MDFIC: variants seen among roughly 807,000 people sequenced by gnomAD.
MDFIC encodes the protein myoD family inhibitor domain-containing protein.
A neutral mutation model predicts 23.2 loss-of-function variants in MDFIC; 17 were observed. The observed-to-expected ratio is 0.73, with a 90% CI of 0.50 to 1.10. The LOEUF is 1.10. MDFIC is among the 50% of genes least tolerant of loss of function. The pLI is 0.00. For missense variants in MDFIC, 356 were observed against 316.6 expected (o/e 1.12, Z -0.95); for synonymous variants, 120 against 115.2 (o/e 1.04, Z -0.27).
At chr7:114,966,746 A>G (rs987269107) in intron 3 of MDFIC, among the ~76,000 whole-genome samples, 4 of 152,212 alleles carry the variant, frequency 2.6e-5, no homozygotes, top group African/African-American at 7.2e-5. Flanking sequence ...GCTTTTTTCA[A>G]ATATTGTTTC....
chr7:114,935,080 GT>G (rs1267245921), intron 2 of MDFIC, among the ~76,000 whole-genome samples: 1 of 151,740 alleles, frequency 6.6e-6, no homozygotes, highest in African/African-American at 2.4e-5. Flanking sequence ...TACAGACCTA[GT>G]TTTTTTTGTT....
rs192881811 is a variant in MDFIC, at chr7:114,936,523, G to A, written c.95-5752G>A. ...CTACCTACAAAGGGCAGAACTAAGA[G>A]TAGTTATAAATGACTTGATAGCAGA... is the stretch of plus-strand genomic sequence containing the variant. On this transcript the variant is annotated intron_variant, in intron 2 of 4. Coordinates refer to ENST00000393486, the MANE Select transcript of MDFIC (RefSeq NM_001166345.3). Among the ~76,000 whole-genome samples the A allele has an allele frequency of 1.6e-4, 25 of 152,164 alleles. No homozygotes were observed. The East Asian group carries it at 4.6e-3, about 28-fold the overall frequency.
Position 115,016,860 on chromosome 7 carries a change from C to G in MDFIC, c.*925C>G, listed in dbSNP as rs1791807753. 1 of 152,008 alleles carries G rather than the reference C, an allele frequency of 6.6e-6. No homozygotes were observed. Among genetic ancestry groups the G allele is most frequent in the African/African-American group, 2.4e-5 (1 of 41,354 alleles). The allele number at this position is 152,008 out of a possible 1,614,324, so 9.4% of individuals were successfully genotyped here. On this transcript the variant is annotated 3_prime_UTR_variant, in exon 5 of 5. Transcript: ENST00000393486. ...GGACAGATACAATTCCACTCCTGTC[C>G]ACAGGAACATGAGATTTAGCAGACT...
intron 4 of MDFIC, among the ~76,000 whole-genome samples, chr7:115,010,725 G>A (rs567590316): frequency 3.3e-5 from 5 of 152,240 alleles, no homozygotes; most frequent in South Asian, 2.1e-4. Flanking sequence ...TACATAAATA[G>A]CTACTGCATA....
chr7:115,000,440 G>A (rs1458100575), intron 4 of MDFIC, among the ~76,000 whole-genome samples: 1 of 152,102 alleles, frequency 6.6e-6, no homozygotes, highest in Non-Finnish European at 1.5e-5. Context: ...CTATGTTATG[G>A]ATTTAAAAAT....
rs1482537941 is a variant in MDFIC, at chr7:115,017,259, C to CT, written c.*1330dup. 5 of 152,050 alleles carry CT rather than the reference C, an allele frequency of 3.3e-5. No individual in the cohort carries two copies. Among genetic ancestry groups the CT allele is most frequent in the Non-Finnish European group, 4.4e-5 (3 of 67,986 alleles). 9.4% of individuals were successfully genotyped at this position (152,050 alleles called of 1,614,324 possible). On this transcript the variant is annotated 3_prime_UTR_variant, in exon 5 of 5. Coordinates refer to ENST00000393486, the MANE Select transcript of MDFIC (RefSeq NM_001166345.3). ...TACACATAATTTAAATGTTATCATACTTTTTTGATGAAAACATAATGCCTT... is the reference window on the plus strand; with the variant it reads ...TACACATAATTTAAATGTTATCATACTTTTTTTGATGAAAACATAATGCCTT...
At chr7:114,976,239 T>C (rs566122691) in intron 3 of MDFIC, among the ~76,000 whole-genome samples, 1 of 152,160 alleles carries the variant, frequency 6.6e-6, no homozygotes, top group Non-Finnish European at 1.5e-5. Flanking sequence ...ACATTTTTGA[T>C]TGACAAGGAG....
At position 115,015,745 on chromosome 7, in the gene MDFIC, A is replaced by G; in HGVS notation, c.551A>G (p.Asn184Ser). Residue 184 changes from asparagine to serine, a missense_variant, in exon 5 of 5, where the codon AAC (asparagine) becomes AGC (serine). By Grantham distance (46) the Asn-to-Ser change is conservative. Transcript: ENST00000393486. ...TTCTGCGAATTCCTGACCCTTTGCA[A>G]CATTGTCCTGGGACAAGCGTCATGT... ...CLFCEFLTLCNIVLGQASCGI... is the reference protein window; with the variant it reads ...CLFCEFLTLCSIVLGQASCGI... 2.5e-6 allele frequency: 4 copies of G among 1,614,178 alleles called. No homozygotes were observed. The highest frequency in any genetic ancestry group is 3.4e-6 in the Non-Finnish European group (4 of 1,180,024).
In MDFIC at chr7:114,934,039, TC is replaced by T. The variant is rs576771573; in HGVS notation, c.95-8235del. On this transcript the variant is annotated intron_variant, in intron 2 of 4. Transcript: ENST00000393486. ...GAATGTTGGACGTCGAATGTTTTCA[TC>T]TGAATTTATTTTATCAGCTTCTCAG... The T allele has an allele frequency of 9.5e-4, 145 of 152,344 alleles. 1 individual carries two copies. The highest frequency in any genetic ancestry group is 3.4e-3 in the Middle Eastern group (1 of 294). The allele number at this position is 152,344 out of a possible 1,614,324, so 9.4% of individuals were successfully genotyped here.
chr7:114,980,100 G>A (rs1434911996), intron 4 of MDFIC: 1 of 350,202 alleles, frequency 2.9e-6, no homozygotes, highest in Non-Finnish European at 5.5e-6. Context: ...GAGTGTGTGT[G>A]TGTATTTTTA....
intron 4 of MDFIC, among the ~76,000 whole-genome samples, chr7:115,010,564 C>T (rs180939627): frequency 2.7e-4 from 41 of 152,178 alleles, no homozygotes; most frequent in African/African-American, 7.9e-4. Context: ...TGTTTAATAT[C>T]TCTATGATCT....
chr7:115,006,253 ATTG>A (rs1397784613), intron 4 of MDFIC, among the ~76,000 whole-genome samples: 3 of 152,100 alleles, frequency 2.0e-5, no homozygotes, highest in Non-Finnish European at 4.4e-5. Context: ...TGCCTGGAGA[ATTG>A]TTGTGTATGA....
intron 2 of MDFIC, 148 bp downstream of exon 2, chr7:114,923,275 G>A: frequency 4.7e-6 from 6 of 1,270,480 alleles, no homozygotes; most frequent in Non-Finnish European, 6.5e-6. Flanking sequence ...GCGTTACTCA[G>A]GCAAGTTCTT....
At chr7:114,932,199 C>A (rs910782861) in intron 2 of MDFIC, among the ~76,000 whole-genome samples, 2 of 152,058 alleles carry the variant, frequency 1.3e-5, no homozygotes, top group East Asian at 3.8e-4. Flanking sequence ...CAGTTTTTCA[C>A]CAATATGCAA....
At chr7:114,990,331 CT>C (rs1468074456) in intron 4 of MDFIC, among the ~76,000 whole-genome samples, 1 of 151,876 alleles carries the variant, frequency 6.6e-6, no homozygotes, top group East Asian at 1.9e-4. Flanking sequence ...CAACAAGATC[CT>C]GTTAGCACTG....
intron 4 of MDFIC, chr7:115,014,363 T>G: frequency 7.8e-7 from 1 of 1,278,718 alleles, no homozygotes; most frequent in Non-Finnish European, 1.0e-6. Flanking sequence ...CACATCTACT[T>G]GCAGTTATAT....
rs1225895729 is a variant in MDFIC at position 114,942,293 on chromosome 7, A to G, written c.113A>G (p.Asn38Ser). Residue 38 changes from asparagine to serine, a missense_variant, in exon 3 of 5, where the codon AAT (asparagine) becomes AGT (serine). Asn to Ser is a conservative substitution (Grantham distance 46). Transcript: ENST00000393486. ...STAQGKCDKDNTEKDITQATN... is the reference protein window; with the variant it reads ...STAQGKCDKDSTEKDITQATN... Reference sequence around the variant, plus strand: ...AATTCAGGAAAATGTGATAAAGACAATACTGAGAAAGATATAACTCAAGCT... The same window carrying G: ...AATTCAGGAAAATGTGATAAAGACAGTACTGAGAAAGATATAACTCAAGCT... 3 of 1,549,294 alleles carry G rather than the reference A, an allele frequency of 1.9e-6. No homozygotes were observed. The highest frequency in any genetic ancestry group is 1.4e-5 in the African/African-American group (1 of 73,034).
chr7:115,007,630 G>GTGTGTATATATATATA (rs369718965), intron 4 of MDFIC, among the ~76,000 whole-genome samples: 1 of 132,878 alleles, frequency 7.5e-6, no homozygotes, highest in African/African-American at 3.1e-5. Flanking sequence ...GCGTGTGTGT[G>GTGTGTATATATATATA]TATATATATA....
At chr7:115,008,014 T>C (rs748658630) in intron 4 of MDFIC, among the ~76,000 whole-genome samples, 17 of 151,814 alleles carry the variant, frequency 1.1e-4, no homozygotes, top group Non-Finnish European at 2.1e-4. Flanking sequence ...TCCTAGACTT[T>C]GTAAAATGCA....
Sources: gnomAD v4.1 joint callset for allele counts (sites outside exome capture counted in the v4.1 genomes callset) on GRCh38, gnomAD v4.1.1 for gene constraint, MANE v1.5 for transcripts, NCBI Gene and HGNC (gene_info 2026-07-23, HGNC 2026-07-21) for gene names.